BMPR2: variants seen among roughly 807,000 people sequenced by gnomAD.
BMPR2 encodes bone morphogenetic protein receptor type-2.
Under a neutral mutation model 100.8 loss-of-function variants are expected in BMPR2, and 29 were observed. The ratio of observed to expected loss-of-function variants is 0.29; its 90% CI spans 0.21 to 0.39. The LOEUF (loss-of-function observed/expected upper bound fraction) is 0.39. Among genes scored for constraint, BMPR2 ranks in the 10% least tolerant of loss-of-function variants. BMPR2 has a pLI of 1.00. For missense variants in BMPR2, 1,011 were observed against 1,274.5 expected (o/e 0.79, Z 3.15); for synonymous variants, 382 against 442.3 (o/e 0.86, Z 1.71).
chr2:202,493,707 A>G (rs1692959387), intron 3 of BMPR2, among the ~76,000 whole-genome samples: 1 of 152,168 alleles, frequency 6.6e-6, no homozygotes, highest in Admixed American at 6.5e-5. Flanking sequence ...GCTAAAAGTT[A>G]AGGAGGAGGG....
At chr2:202,441,715 C>CT (rs1691749774) in intron 1 of BMPR2, among the ~76,000 whole-genome samples, 1 of 66,440 alleles carries the variant, frequency 1.5e-5, no homozygotes, top group Non-Finnish European at 2.9e-5. Context: ...AAGACTCCGT[C>CT]TCAAAAAAAA....
At chr2:202,399,468 G>A (rs1023915687) in intron 1 of BMPR2, among the ~76,000 whole-genome samples, 5 of 152,204 alleles carry the variant, frequency 3.3e-5, no homozygotes, top group South Asian at 2.1e-4. Context: ...GGGTTAGACA[G>A]GCAGGCAGGA....
intron 11 of BMPR2, among the ~76,000 whole-genome samples, chr2:202,554,450 G>A (rs914772563): frequency 6.6e-5 from 10 of 151,966 alleles, no homozygotes; most frequent in African/African-American, 2.4e-4. Flanking sequence ...CCATAGTTAC[G>A]CTAACTCTAG....
chr2:202,520,271 AT>A, intron 7 of BMPR2, 70 bp downstream of exon 7: 1 of 986,492 alleles, frequency 1.0e-6, no homozygotes, highest in Non-Finnish European at 1.6e-6. Context: ...TTTTAATTAT[AT>A]CTTCAAAGTA....
In BMPR2 at chr2:202,565,883, T is replaced by C. The variant is rs1574512223; in HGVS notation, c.*5937T>C. On this transcript the variant is annotated 3_prime_UTR_variant, in exon 13 of 13. Transcript: ENST00000374580. ...GAAATTTATCTCATGGCAGATACATTTGAAAGTACTTCAGAAGAATTTATG... is the reference window on the plus strand; with the variant it reads ...GAAATTTATCTCATGGCAGATACATCTGAAAGTACTTCAGAAGAATTTATG... 6.6e-6 allele frequency: 1 copy of C among 152,316 alleles called. No individual in the cohort carries two copies. The allele number at this position is 152,316 out of a possible 1,614,324, so 9.4% of individuals were successfully genotyped here.
intron 9 of BMPR2, among the ~76,000 whole-genome samples, chr2:202,538,905 A>G (rs1176497736): frequency 6.6e-6 from 1 of 152,122 alleles, no homozygotes; most frequent in Non-Finnish European, 1.5e-5. Context: ...ATTTTTAAAG[A>G]CAATTAAAAA....
chr2:202,514,750 C>T, intron 4 of BMPR2, 138 bp from the exon 5 acceptor site: 4 of 716,480 alleles, frequency 5.6e-6, no homozygotes, highest in Non-Finnish European at 9.6e-6. Flanking sequence ...AATAGCTTTA[C>T]TCCTATTGAC....
At chr2:202,529,789 C>T (rs532240913) in intron 7 of BMPR2, among the ~76,000 whole-genome samples, 3 of 152,180 alleles carry the variant, frequency 2.0e-5, no homozygotes, top group Admixed American at 6.5e-5. Flanking sequence ...CATTAATGAG[C>T]GTAATACATC....
chr2:202,500,292 C>T (rs1687355416), intron 3 of BMPR2, among the ~76,000 whole-genome samples: 1 of 152,202 alleles, frequency 6.6e-6, no homozygotes, highest in South Asian at 2.1e-4. Flanking sequence ...AGGTATTTCT[C>T]CCACCTCCTC....
chr2:202,510,673 TTTTG>T (rs1381644517), intron 3 of BMPR2, among the ~76,000 whole-genome samples: 2 of 152,150 alleles, frequency 1.3e-5, no homozygotes, highest in Non-Finnish European at 2.9e-5. Context: ...TTTTGTTTTT[TTTTG>T]TTTATTTGTT....
At chr2:202,438,795 C>T (rs1294678584) in intron 1 of BMPR2, among the ~76,000 whole-genome samples, 1 of 150,676 alleles carries the variant, frequency 6.6e-6, no homozygotes, top group Non-Finnish European at 1.5e-5. Context: ...TATCTCTGAA[C>T]TCTCAATTCC....
At chr2:202,395,398 T>C (rs1334327549) in intron 1 of BMPR2, among the ~76,000 whole-genome samples, 1 of 152,216 alleles carries the variant, frequency 6.6e-6, no homozygotes, top group African/African-American at 2.4e-5. Context: ...CAATTCTGTT[T>C]CCAAATTAGA....
chr2:202,453,264 A>G (rs965114121), intron 1 of BMPR2, among the ~76,000 whole-genome samples: 2 of 151,254 alleles, frequency 1.3e-5, no homozygotes, highest in African/African-American at 4.9e-5. Context: ...TCTGCCCATT[A>G]TTTAAAATTC....
rs1688764972 is a variant in BMPR2, at chr2:202,566,464, A to C, written c.*6518A>C. 6.6e-6 allele frequency: 1 copy of C among 152,602 alleles called. No individual in the cohort carries two copies. Among genetic ancestry groups the C allele is most frequent in the South Asian group, 2.1e-4 (1 of 4,838 alleles). The allele number at this position is 152,602 out of a possible 1,614,324, so 9.5% of individuals were successfully genotyped here. On this transcript the variant is annotated 3_prime_UTR_variant, in exon 13 of 13. Transcript: ENST00000374580. Reference sequence around the variant, plus strand: ...AGTTGCCCAGTTCTGTAATTACTGAACAGAGGGAATGACTCAACTAATTGG... The same window carrying C: ...AGTTGCCCAGTTCTGTAATTACTGACCAGAGGGAATGACTCAACTAATTGG...
intron 10 of BMPR2, 77 bp from the exon 11 acceptor site, chr2:202,552,639 C>T (rs1688500250): frequency 6.7e-7 from 1 of 1,493,084 alleles, no homozygotes; most frequent in Non-Finnish European, 9.3e-7. Flanking sequence ...TTTCTTTTAC[C>T]TCATGTGGTA....
chr2:202,517,875 C>T (rs1300483326), intron 5 of BMPR2, among the ~76,000 whole-genome samples: 6 of 148,792 alleles, frequency 4.0e-5, no homozygotes, highest in South Asian at 4.3e-4. Flanking sequence ...TGCAGTGGCG[C>T]GACCTCGGCT....
chr2:202,547,321 A>G (rs999718430), intron 10 of BMPR2, among the ~76,000 whole-genome samples: 1 of 152,144 alleles, frequency 6.6e-6, no homozygotes, highest in African/African-American at 2.4e-5. Flanking sequence ...GATTATAGGT[A>G]TGAGCCCAGC....
At chr2:202,413,086 C>A (rs1017671149) in intron 1 of BMPR2, among the ~76,000 whole-genome samples, 2 of 152,164 alleles carry the variant, frequency 1.3e-5, no homozygotes, top group African/African-American at 4.8e-5. Flanking sequence ...ATGTAAGTCA[C>A]CTGATGCACA....
rs771887212 is a variant in BMPR2, at chr2:202,464,826, C to T, written c.94C>T (p.Arg32Trp). 7 of 1,612,408 alleles carry T rather than the reference C, an allele frequency of 4.3e-6. No individual in the cohort carries two copies. Among genetic ancestry groups the T allele is most frequent in the Admixed American group, 1.7e-5 (1 of 59,828 alleles). ...TATTTTAGCTTCGCAGAATCAAGAA[C>T]GGCTATGTGCGTTTAAAGATCCGTA... ...STAAASQNQE[R>W]LCAFKDPYQQ... is the part of the protein sequence containing the mutation. Residue 32 changes from arginine (R) to tryptophan (W), a missense_variant, in exon 2 of 13, where the codon CGG (arginine) becomes TGG (tryptophan). By Grantham distance (101) the Arg-to-Trp change is moderately radical (BLOSUM62 -3). Coordinates refer to ENST00000374580, the MANE Select transcript of BMPR2 (RefSeq NM_001204.7).
Sources: allele counts gnomAD v4.1 joint callset (sites outside exome capture counted in the v4.1 genomes callset), GRCh38; gene constraint gnomAD v4.1.1; transcripts MANE v1.5; gene names NCBI Gene and HGNC (gene_info 2026-07-23, HGNC 2026-07-21).